NUP107: variants seen among roughly 807,000 people sequenced by gnomAD.
The protein encoded by NUP107 is nucleoporin 107, also known as nuclear pore complex protein Nup107.
NUP107 carries 101 observed loss-of-function variants against 141.0 expected under a neutral mutation model. The ratio of observed to expected loss-of-function variants is 0.72; its 90% CI spans 0.61 to 0.84. The LOEUF is 0.84. NUP107 is among the 40% of genes least tolerant of loss of function. The pLI is 0.00. For missense variants in NUP107, 941 were observed against 1,102.7 expected (o/e 0.85, Z 2.08); for synonymous variants, 319 against 363.9 (o/e 0.88, Z 1.41).
In NUP107 at chr12:68,745,328, G is replaced by C. The variant is rs544842938; in HGVS notation, c.*2866G>C. 4 of 152,228 alleles carry C rather than the reference G, an allele frequency of 2.6e-5. No individual in the cohort carries two copies. The highest frequency in any genetic ancestry group is 5.9e-5 in the Non-Finnish European group (4 of 68,034). 9.4% of individuals were successfully genotyped at this position (152,228 alleles called of 1,614,324 possible). On this transcript the variant is annotated 3_prime_UTR_variant, in exon 28 of 28. Coordinates refer to ENST00000229179, the MANE Select transcript of NUP107 (RefSeq NM_020401.4). ...AAGAATTGATGTATTGGCAGGAACA[G>C]CTGGACATTCAAGATGTTTTTGTGA...
chr12:68,706,234 G>A (rs1431236732), intron 8 of NUP107: 1 of 768,420 alleles, frequency 1.3e-6, no homozygotes, highest in East Asian at 2.4e-5. Flanking sequence ...AGAAGGATAT[G>A]GATGAAGCTT....
rs1877994444 is a variant in NUP107 at position 68,734,789 on chromosome 12, T to G, written c.2344T>G (p.Phe782Val). Reference protein sequence around the residue: ...QKPALIPQPTFTEKVAHEHKE... With the variant: ...QKPALIPQPTVTEKVAHEHKE... Reference sequence around the variant, plus strand: ...ACCTGCTTTGATACCTCAACCAACTTTTACTGAGAAAGTGGCTCATGAACA... The same window carrying G: ...ACCTGCTTTGATACCTCAACCAACTGTTACTGAGAAAGTGGCTCATGAACA... Residue 782 changes from phenylalanine to valine, a missense_variant, in exon 25 of 28, where the codon TTT becomes GTT. Physicochemically the swap from Phe to Val is conservative, Grantham distance 50. Transcript: ENST00000229179. 3 of 1,613,662 alleles carry G rather than the reference T, an allele frequency of 1.9e-6. No individual in the cohort carries two copies. Among genetic ancestry groups the G allele is most frequent in the Non-Finnish European group, 2.5e-6 (3 of 1,179,806 alleles).
intron 20 of NUP107, among the ~76,000 whole-genome samples, chr12:68,728,367 G>A (rs1877658202): frequency 6.6e-6 from 1 of 150,846 alleles, no homozygotes; most frequent in South Asian, 2.1e-4. Flanking sequence ...AGAGGTGGGT[G>A]GATCGCTTGA....
At chr12:68,694,999 C>T (rs886896025) in intron 5 of NUP107, among the ~76,000 whole-genome samples, 1 of 152,168 alleles carries the variant, frequency 6.6e-6, no homozygotes, top group Non-Finnish European at 1.5e-5. Flanking sequence ...TCAAATGTCA[C>T]TAATCATTAG....
At chr12:68,705,176 C>A (rs1876518686) in intron 8 of NUP107, among the ~76,000 whole-genome samples, 1 of 151,956 alleles carries the variant, frequency 6.6e-6, no homozygotes, top group South Asian at 2.1e-4. Flanking sequence ...TTTGTTTATC[C>A]CACAAATACT....
chr12:68,689,081 T>A, intron 2 of NUP107, 28 bp downstream of exon 2: 1 of 1,532,614 alleles, frequency 6.5e-7, no homozygotes, highest in South Asian at 1.1e-5. Context: ...AGCATCATTA[T>A]AAAAATTGTA....
In NUP107 at chr12:68,745,376, T is replaced by C. The variant is rs1408071020; in HGVS notation, c.*2914T>C. 1 of 152,246 alleles carries C rather than the reference T, an allele frequency of 6.6e-6. No homozygotes were observed. 9.4% of individuals were successfully genotyped at this position (152,246 alleles called of 1,614,324 possible). A position where few individuals can be genotyped will look rare whatever the true frequency, so the allele number is the denominator to read the frequency against. On this transcript the variant is annotated 3_prime_UTR_variant, in exon 28 of 28. Coordinates refer to ENST00000229179, the MANE Select transcript of NUP107 (RefSeq NM_020401.4). ...TGATTCCTTTTTTAAAAATCTCCTT[T>C]TGTACCTGTAATATCTACAATATAT...
At chr12:68,732,912 G>T in intron 23 of NUP107, 173 bp downstream of exon 23, 2 of 415,556 alleles carry the variant, frequency 4.8e-6, no homozygotes, top group East Asian at 3.5e-5. Flanking sequence ...CGAACTCCTG[G>T]CCTGAAGCAA....
intron 5 of NUP107, among the ~76,000 whole-genome samples, chr12:68,692,960 G>A (rs879597986): frequency 6.6e-6 from 1 of 152,024 alleles, no homozygotes; most frequent in Non-Finnish European, 1.5e-5. Flanking sequence ...ATGTTGGCCA[G>A]GCTTGTCTCA....
In NUP107 at chr12:68,721,717, A is replaced by G. The variant is rs1034483234; in HGVS notation, c.1312-124A>G. The G allele has an allele frequency of 2.4e-5, 23 of 959,248 alleles. No homozygotes were observed. In the African/African-American group the frequency reaches 3.6e-4, roughly 15 times the overall value. 59.4% of individuals were successfully genotyped at this position (959,248 alleles called of 1,614,324 possible). A position where few individuals can be genotyped will look rare whatever the true frequency, so the allele number is the denominator to read the frequency against. On this transcript the variant is annotated intron_variant, in intron 15 of 27. Coordinates refer to ENST00000229179, the MANE Select transcript of NUP107 (RefSeq NM_020401.4). ...AAAGGTTATTTGGCATAATTTTTTT[A>G]AAATCTGCCGTGTTTTATATCATTA... is the stretch of plus-strand genomic sequence containing the variant.
At chr12:68,728,065 T>C (rs989170087) in intron 20 of NUP107, among the ~76,000 whole-genome samples, 1 of 152,126 alleles carries the variant, frequency 6.6e-6, no homozygotes, top group Non-Finnish European at 1.5e-5. Context: ...AGAGGACTGC[T>C]TGAGTCCAGA....
At chr12:68,693,081 A>T (rs113471718) in intron 5 of NUP107, among the ~76,000 whole-genome samples, 4,672 of 136,334 alleles carry the variant, frequency 0.034, 86 homozygotes, top group African/African-American at 0.047. Context: ...TTATTTATTT[A>T]TTTATTTTTT....
chr12:68,705,201 C>G (rs1488911288), intron 8 of NUP107, among the ~76,000 whole-genome samples: 2 of 152,292 alleles, frequency 1.3e-5, no homozygotes, highest in East Asian at 3.9e-4. Context: ...TCCAAATGCA[C>G]ATGTAGGAAG....
At chr12:68,719,782 A>C (rs555687423) in intron 14 of NUP107, 128 bp downstream of exon 14, 1 of 686,408 alleles carries the variant, frequency 1.5e-6, no homozygotes, top group Non-Finnish European at 2.6e-6. Context: ...AAATTGAGGA[A>C]TAGGCTTAAC....
At position 68,737,182 on chromosome 12, in the gene NUP107, CTTTA is replaced by C. The variant is rs1289971025; in HGVS notation, c.2502+1844_2502+1847del. On this transcript the variant is annotated intron_variant, in intron 26 of 27. Coordinates refer to ENST00000229179, the MANE Select transcript of NUP107 (RefSeq NM_020401.4). ...CTTAAATTTTGAAAAGACTTCAATG[CTTTA>C]TTTATACATACATCTTTGCTATTCT... is the stretch of plus-strand genomic sequence containing the variant. Among the ~76,000 whole-genome samples, 8 of 152,268 alleles carry C rather than the reference CTTTA, an allele frequency of 5.3e-5. No homozygotes were observed. The East Asian group carries it at 1.5e-3, about 29-fold the overall frequency.
At chr12:68,690,422 G>A in intron 3 of NUP107, 1 of 613,740 alleles carries the variant, frequency 1.6e-6, no homozygotes, top group Non-Finnish European at 2.8e-6. Flanking sequence ...AATGTTTCCT[G>A]TTAGGCTCAG....
chr12:68,689,986 G>C (rs1358197855), intron 3 of NUP107: 2 of 167,260 alleles, frequency 1.2e-5, no homozygotes, highest in East Asian at 3.4e-4. Flanking sequence ...TTCAAGACTA[G>C]CTTGGCCAAC....
intron 7 of NUP107, among the ~76,000 whole-genome samples, chr12:68,702,379 C>G (rs1033674821): frequency 6.6e-6 from 1 of 152,142 alleles, no homozygotes; most frequent in African/African-American, 2.4e-5. Context: ...CCCACCTCAG[C>G]CTCCCAAAAT....
intron 10 of NUP107, among the ~76,000 whole-genome samples, chr12:68,713,063 A>T (rs916905263): frequency 1.3e-5 from 2 of 152,070 alleles, no homozygotes; most frequent in African/African-American, 4.8e-5. Flanking sequence ...TATCAAAATT[A>T]AAAATGTATC....
Sources: allele counts gnomAD v4.1 joint callset (sites outside exome capture counted in the v4.1 genomes callset), GRCh38; gene constraint gnomAD v4.1.1; transcripts MANE v1.5; gene names NCBI Gene and HGNC (gene_info 2026-07-23, HGNC 2026-07-21).